ISY1: variants seen among roughly 807,000 people sequenced by gnomAD.
ISY1 encodes ISY1 spliceosome associated protein, also known as pre-mRNA-splicing factor ISY1 homolog.
In ISY1, 12 loss-of-function variants were observed where a neutral mutation model predicts 54.4. The observed-to-expected ratio is 0.22, with a 90% CI of 0.14 to 0.36. ISY1 has a LOEUF of 0.36. ISY1 is among the 10% of genes least tolerant of loss of function. The pLI is 1.00. For missense variants in ISY1, 282 were observed against 342.2 expected, an observed-to-expected ratio of 0.82 and a Z score of 1.39; for synonymous variants, 96 against 117.9, an observed-to-expected ratio of 0.81 and a Z score of 1.20.
intron 5 of ISY1, among the ~76,000 whole-genome samples, chr3:129,146,875 T>C (rs7634944): frequency 0.049 from 7,483 of 151,726 alleles, 283 homozygotes; most frequent in Admixed American, 0.095. Context: ...CTGGGCAACA[T>C]AGTGAAATCC....
chr3:129,149,326 G>A (rs978719114), intron 5 of ISY1, among the ~76,000 whole-genome samples: 1 of 150,474 alleles, frequency 6.6e-6, no homozygotes, highest in Non-Finnish European at 1.5e-5. Flanking sequence ...CTACTTGGGA[G>A]GCTGAGGCAG....
chr3:129,148,370 C>T (rs1459507958), intron 5 of ISY1, among the ~76,000 whole-genome samples: 1 of 152,192 alleles, frequency 6.6e-6, no homozygotes, highest in East Asian at 1.9e-4. Flanking sequence ...AAACCCCATT[C>T]TAAAGTAACT....
chr3:129,146,023 C>A (rs573596291), intron 5 of ISY1, 150 bp from the exon 6 acceptor site: 5 of 669,326 alleles, frequency 7.5e-6, no homozygotes, highest in Non-Finnish European at 1.2e-5. Flanking sequence ...ATAAGAAAAA[C>A]CACCCAAATA....
intron 5 of ISY1, among the ~76,000 whole-genome samples, chr3:129,153,051 C>A (rs2107617309): frequency 6.6e-6 from 1 of 150,974 alleles, no homozygotes; most frequent in South Asian, 2.1e-4. Context: ...GCTCTGTCAC[C>A]CAGGCTGGAG....
Position 129,129,849 on chromosome 3 carries a change from A to G in ISY1, c.*232T>C, listed in dbSNP as rs1027528760. Reference sequence around the variant, plus strand: ...AGGCAGCCAGTTCGCAACCTGTTGTATACACTCCACAATAAAAATAAATGG... The same window carrying G: ...AGGCAGCCAGTTCGCAACCTGTTGTGTACACTCCACAATAAAAATAAATGG... On this transcript the variant is annotated 3_prime_UTR_variant, in exon 11 of 11. Transcript: ENST00000393295. The G allele has an allele frequency of 7.7e-6, 3 of 390,586 alleles. No individual in the cohort carries two copies. The highest frequency in any genetic ancestry group is 9.8e-5 in the South Asian group (1 of 10,228). The allele number at this position is 390,586 out of a possible 1,614,324, so 24.2% of individuals were successfully genotyped here. A position where few individuals can be genotyped will look rare whatever the true frequency, so the allele number is the denominator to read the frequency against.
chr3:129,146,863 G>A (rs1936776905), intron 5 of ISY1, among the ~76,000 whole-genome samples: 1 of 152,106 alleles, frequency 6.6e-6, no homozygotes, highest in Non-Finnish European at 1.5e-5. Flanking sequence ...TTCAAGACTA[G>A]CCTGGGCAAC....
chr3:129,133,555 G>A (rs562197941), intron 9 of ISY1, among the ~76,000 whole-genome samples: 10 of 152,310 alleles, frequency 6.6e-5, no homozygotes, highest in South Asian at 2.1e-4. Flanking sequence ...TTAGCCATGC[G>A]TGGTGGCACT....
rs1403989372 is a variant in ISY1 at position 129,156,573 on chromosome 3, G to A, written c.187+60C>T. ...TGATTATTTTGAAAGGAGTATTGAA[G>A]TCCTCAAGTCTAATTGTGGATTTGA... On this transcript the variant is annotated intron_variant, in intron 5 of 10. Transcript: ENST00000393295. The A allele has an allele frequency of 3.2e-6, 5 of 1,540,562 alleles. No individual in the cohort carries two copies. The African/African-American group carries it at 6.9e-5, about 21-fold the overall frequency.
At position 129,156,226 on chromosome 3, in the gene ISY1, G is replaced by A. The variant is rs1017538103; in HGVS notation, c.187+407C>T. On this transcript the variant is annotated intron_variant, in intron 5 of 10. Coordinates refer to ENST00000393295, the MANE Select transcript of ISY1 (RefSeq NM_020701.4). ...ATCCTGGCTAACATGGTGAAACCCT[G>A]TCTCTACTGAAAGTACAAAAAAATT... Among the ~76,000 whole-genome samples, 23 of 151,762 alleles carry A rather than the reference G, an allele frequency of 1.5e-4. 1 individual carries two copies. The highest frequency in any genetic ancestry group is 5.6e-4 in the African/African-American group (23 of 41,324).
rs1937276340 is a variant in ISY1, at chr3:129,160,544, T to C, written c.3+429A>G. On this transcript the variant is annotated intron_variant, in intron 1 of 10. Transcript: ENST00000393295. ...AAGCAATAAGGAAAAGACCCTACCC[T>C]CGTGATGTCTGTATATTATGGAGCA... Among the ~76,000 whole-genome samples the C allele has an allele frequency of 3.9e-5, 6 of 152,056 alleles. No individual in the cohort carries two copies. In the South Asian group the frequency reaches 1.3e-3, roughly 32 times the overall value.
intron 6 of ISY1, among the ~76,000 whole-genome samples, chr3:129,145,231 T>C (rs1014476828): frequency 6.6e-6 from 1 of 151,490 alleles, no homozygotes; most frequent in African/African-American, 2.4e-5. Context: ...GTCATTTTTT[T>C]TTTTTTTTTT....
At position 129,145,746 on chromosome 3, in the gene ISY1, C is replaced by G. The variant is rs758226283; in HGVS notation, c.300+15G>C. The G allele has an allele frequency of 3.2e-5, 52 of 1,610,232 alleles. No homozygotes were observed. Among genetic ancestry groups the G allele is most frequent in the Non-Finnish European group, 4.3e-5 (51 of 1,178,078 alleles). On this transcript the variant is annotated intron_variant, in intron 6 of 10. Transcript: ENST00000393295. ...AACTAGACAAGACCCGCCACTGGGG[C>G]TGCCATGTACTCACTCCATAATCAG...
At chr3:129,142,196 G>C (rs1041018419) in intron 6 of ISY1, among the ~76,000 whole-genome samples, 3 of 121,742 alleles carry the variant, frequency 2.5e-5, no homozygotes, top group Non-Finnish European at 5.1e-5. Flanking sequence ...GACAGAGCGA[G>C]ACTCTGTCTC....
rs745348660 is a variant in ISY1 at position 129,134,208 on chromosome 3, G to A, written c.542-13C>T. 11 of 1,613,984 alleles carry A rather than the reference G, an allele frequency of 6.8e-6. No homozygotes were observed. The highest frequency in any genetic ancestry group is 9.3e-6 in the Non-Finnish European group (11 of 1,180,022). On this transcript the variant is annotated splice_polypyrimidine_tract_variant and intron_variant, in intron 8 of 10. Transcript: ENST00000393295. ...AACTCGGCTCTGACTGAACACAAGA[G>A]AGGGTAGGTGCTATTTATTTGTCTC...
At chr3:129,134,742 G>A in intron 8 of ISY1, 90 bp downstream of exon 8, 3 of 1,459,852 alleles carry the variant, frequency 2.1e-6, no homozygotes, top group East Asian at 2.7e-5. Context: ...ACTCCCTTCT[G>A]GCATAAAGCA....
At position 129,129,993 on chromosome 3, in the gene ISY1, C is replaced by A; in HGVS notation, c.*88G>T. On this transcript the variant is annotated 3_prime_UTR_variant, in exon 11 of 11. Coordinates refer to ENST00000393295, the MANE Select transcript of ISY1 (RefSeq NM_020701.4). ...GGAAGGCTGAGAATGGGGCAGGAGC[C>A]CTTGCAGCACCAGCCTGTGTCTGCA... The A allele has an allele frequency of 9.9e-7, 1 of 1,007,768 alleles. No homozygotes were observed. The highest frequency in any genetic ancestry group is 1.5e-6 in the Non-Finnish European group (1 of 687,974). The allele number at this position is 1,007,768 out of a possible 1,614,324, so 62.4% of individuals were successfully genotyped here.
chr3:129,142,020 C>T (rs1936631962), intron 6 of ISY1, among the ~76,000 whole-genome samples: 1 of 151,906 alleles, frequency 6.6e-6, no homozygotes, highest in Non-Finnish European at 1.5e-5. Context: ...GCCTGGCCAA[C>T]ATGGTAAAAT....
intron 6 of ISY1, among the ~76,000 whole-genome samples, chr3:129,143,413 C>T (rs543606495): frequency 1.3e-4 from 18 of 143,378 alleles, no homozygotes; most frequent in African/African-American, 4.7e-4. Context: ...GGCTGGGGCA[C>T]AAGAATTGCT....
chr3:129,140,266 G>A, intron 7 of ISY1, 102 bp downstream of exon 7: 3 of 997,848 alleles, frequency 3.0e-6, no homozygotes, highest in South Asian at 1.6e-5. Context: ...CTATAAGGCT[G>A]TTATGCAACT....
Sources: gnomAD v4.1 joint callset for allele counts (sites outside exome capture counted in the v4.1 genomes callset) on GRCh38, gnomAD v4.1.1 for gene constraint, MANE v1.5 for transcripts, NCBI Gene and HGNC (gene_info 2026-07-23, HGNC 2026-07-21) for gene names.